STK11IP: variants seen among roughly 807,000 people sequenced by gnomAD.
The protein encoded by STK11IP is serine/threonine kinase 11 interacting protein.
A neutral mutation model predicts 131.7 loss-of-function variants in STK11IP; 103 were observed. The observed-to-expected ratio is 0.78, with a 90% CI of 0.67 to 0.92. STK11IP has a LOEUF of 0.92. Ranked by LOEUF, STK11IP falls within the 40% of genes least tolerant of loss-of-function variation. The probability of loss-of-function intolerance (pLI) is 0.00; values close to 1 mark genes in which losing one functional copy is unlikely to be tolerated. For missense variants in STK11IP, 1,315 were observed against 1,385.7 expected (o/e 0.95, Z 0.81); for synonymous variants, 557 against 575.6 (o/e 0.97, Z 0.46).
intron 17 of STK11IP, chr2:219,610,032 C>T (rs1383291317): frequency 1.8e-5 from 3 of 168,290 alleles, no homozygotes; most frequent in Non-Finnish European, 2.6e-5. Flanking sequence ...TTTCTTCATG[C>T]GCTAGTCCTT....
chr2:219,598,021 T>C, intron 1 of STK11IP, 73 bp from the exon 2 acceptor site: 1 of 1,574,632 alleles, frequency 6.4e-7, no homozygotes, highest in Non-Finnish European at 8.6e-7. Context: ...GACGCCTCGG[T>C]TTGCGCGGAC....
rs117110578 is a variant in STK11IP at position 219,615,991 on chromosome 2, C to T, written c.3118-53C>T. 1,537 of 1,596,648 alleles carry T rather than the reference C, an allele frequency of 9.6e-4. 27 individuals are homozygous for T. The East Asian group carries it at 0.027, about 28-fold the overall frequency. ...CCTTCGCAGAGACCTCCCTTGTACC[C>T]ACCCTGGTGTGGTCCCCATGAGCCT... On this transcript the variant is annotated intron_variant, in intron 24 of 24. Coordinates refer to ENST00000456909, the MANE Select transcript of STK11IP (RefSeq NM_052902.4).
intron 17 of STK11IP, 111 bp from the exon 18 acceptor site, chr2:219,611,488 AGCTGG>A: frequency 1.1e-6 from 1 of 872,560 alleles, no homozygotes; most frequent in Non-Finnish European, 1.9e-6. Context: ...TTGTGTATGA[AGCTGG>A]AGGCTTGGGC....
rs776589638 is a variant in STK11IP at position 219,597,906 on chromosome 2, A to C, written c.-44A>C. On this transcript the variant is annotated 5_prime_UTR_variant, in exon 1 of 25. Transcript: ENST00000456909. ...GCCGGGCAGCTGAGCTGGTAGGAGG[A>C]CCAGACGGGGAGGTTCGGTATGTCT... 2 of 1,611,342 alleles carry C rather than the reference A, an allele frequency of 1.2e-6. No individual in the cohort carries two copies. The highest frequency in any genetic ancestry group is 2.2e-5 in the South Asian group (2 of 90,630).
At chr2:219,600,164 GCTGTTCTCTGGCCTCAGCC>G (rs1365339081) in intron 2 of STK11IP, among the ~76,000 whole-genome samples, 1 of 149,008 alleles carries the variant, frequency 6.7e-6, no homozygotes, top group Non-Finnish European at 1.5e-5. Flanking sequence ...CTGGCTTCCA[GCTGTTCTCTGGCCTCAGCC>G]CCTCGAGTAG....
intron 17 of STK11IP, chr2:219,609,744 G>GTTTT (rs11365689): frequency 2.5e-6 from 1 of 394,090 alleles, no homozygotes; most frequent in South Asian, 3.1e-5. Flanking sequence ...ACTATATCCT[G>GTTTT]TTTTTTTTTT....
chr2:219,604,474 A>G (rs1698087799), intron 7 of STK11IP, among the ~76,000 whole-genome samples: 1 of 152,202 alleles, frequency 6.6e-6, no homozygotes, highest in South Asian at 2.1e-4. Flanking sequence ...CCTTTTGTTC[A>G]CTAAAAACCA....
chr2:219,602,694 GTC>G lies in STK11IP; in HGVS notation c.547-4_547-3del. ...AACATCGATTCTCTGCCTCCTCCCC[GTC>G]TCTCTCAGCGCCTCTTGTCAGCTCT... On this transcript the variant is annotated splice_polypyrimidine_tract_variant and intron_variant, in intron 6 of 24. Transcript: ENST00000456909. 3 of 1,613,470 alleles carry G rather than the reference GTC, an allele frequency of 1.9e-6. No homozygotes were observed. Among genetic ancestry groups the G allele is most frequent in the East Asian group, 2.2e-5 (1 of 44,886 alleles).
chr2:219,601,924 A>T, intron 4 of STK11IP, 64 bp from the exon 5 acceptor site: 2 of 1,415,138 alleles, frequency 1.4e-6, no homozygotes, highest in Non-Finnish European at 2.0e-6. Flanking sequence ...CAACTAGGGG[A>T]TGGGGATGAG....
At chr2:219,609,784 A>G (rs1329441694) in intron 17 of STK11IP, 4 of 479,672 alleles carry the variant, frequency 8.3e-6, no homozygotes, top group Admixed American at 3.3e-5. Context: ...AGGAAATGCA[A>G]TCTCTGTAAC....
At chr2:219,600,028 G>A (rs1697928921) in intron 2 of STK11IP, among the ~76,000 whole-genome samples, 1 of 138,710 alleles carries the variant, frequency 7.2e-6, no homozygotes, top group South Asian at 2.3e-4. Flanking sequence ...GAGCCACCAC[G>A]CCTGCCCTTT....
intron 13 of STK11IP, 128 bp downstream of exon 13, chr2:219,607,265 T>C (rs1021466547): frequency 3.4e-6 from 3 of 883,990 alleles, no homozygotes; most frequent in Non-Finnish European, 5.1e-6. Context: ...GAGGGCTTCT[T>C]AGTCTTTTTT....
Position 219,616,282 on chromosome 2 carries a change from G to T in STK11IP, c.*89G>T. 4 of 1,481,252 alleles carry T rather than the reference G, an allele frequency of 2.7e-6. No individual in the cohort carries two copies. The highest frequency in any genetic ancestry group is 3.6e-6 in the Non-Finnish European group (4 of 1,107,086). The allele number at this position is 1,481,252 out of a possible 1,614,324, so 91.8% of individuals were successfully genotyped here. On this transcript the variant is annotated 3_prime_UTR_variant, in exon 25 of 25. Coordinates refer to ENST00000456909, the MANE Select transcript of STK11IP (RefSeq NM_052902.4). ...CTCTGGGTCTGGCTTCCAGGCTCTG[G>T]CTGTGGATGTCTTCAGCCTCTGGGT... is the stretch of plus-strand genomic sequence containing the variant.
At chr2:219,606,575 G>A (rs1316153644) in intron 11 of STK11IP, 58 bp downstream of exon 11, 5 of 1,610,908 alleles carry the variant, frequency 3.1e-6, no homozygotes, top group Non-Finnish European at 4.2e-6. Flanking sequence ...AGGGCGCTGG[G>A]GAGAGAACAG....
In STK11IP at chr2:219,611,505, CAG is replaced by C. The variant is rs543060917; in HGVS notation, c.2105-98_2105-97del. ...GTGTATGAAGCTGGAGGCTTGGGCT[CAG>C]GGGAGACCTGAGCATGGGGAAGGAG... On this transcript the variant is annotated intron_variant, in intron 17 of 24. Transcript: ENST00000456909. The C allele has an allele frequency of 1.9e-4, 197 of 1,053,958 alleles. 1 individual carries two copies. The African/African-American group carries it at 2.4e-3, about 13-fold the overall frequency. 65.3% of individuals were successfully genotyped at this position (1,053,958 alleles called of 1,614,324 possible). A position where few individuals can be genotyped will look rare whatever the true frequency, so the allele number is the denominator to read the frequency against.
Position 219,613,829 on chromosome 2 carries a change from C to T in STK11IP, c.2615C>T (p.Ala872Val). The T allele has an allele frequency of 6.2e-6, 10 of 1,612,248 alleles. No homozygotes were observed. The highest frequency in any genetic ancestry group is 8.5e-6 in the Non-Finnish European group (10 of 1,179,632). Residue 872 changes from alanine to valine, a missense_variant, in exon 21 of 25, where the codon GCA becomes GTA. Coordinates refer to ENST00000456909, the MANE Select transcript of STK11IP (RefSeq NM_052902.4). ...CTGAGTGGCATAGAGCTGGGCCTGGCAGGCCAGAGCCTGCGGCTAGAGTGG... is the reference window on the plus strand; with the variant it reads ...CTGAGTGGCATAGAGCTGGGCCTGGTAGGCCAGAGCCTGCGGCTAGAGTGG... ...QDLSGIELGL[A>V]GQSLRLEWAA... is the part of the protein sequence containing the mutation.
At chr2:219,606,433 T>G (rs753836158) in intron 10 of STK11IP, 43 bp from the exon 11 acceptor site, 1 of 1,597,878 alleles carries the variant, frequency 6.3e-7, no homozygotes, top group East Asian at 2.3e-5. Flanking sequence ...CTCAGCAGGA[T>G]GGGCCTACCA....
chr2:219,610,874 T>C (rs1429764080), intron 17 of STK11IP, among the ~76,000 whole-genome samples: 1 of 152,228 alleles, frequency 6.6e-6, no homozygotes, highest in Non-Finnish European at 1.5e-5. Flanking sequence ...CCCAGCTGTA[T>C]GGTCCTGGGC....
At chr2:219,609,834 G>C (rs973748598) in intron 17 of STK11IP, 3 of 338,084 alleles carry the variant, frequency 8.9e-6, no homozygotes, top group Non-Finnish European at 1.7e-5. Context: ...TAACTTGAAG[G>C]CTTGTTGTGT....
Sources: allele counts gnomAD v4.1 joint callset (sites outside exome capture counted in the v4.1 genomes callset), GRCh38; gene constraint gnomAD v4.1.1; transcripts MANE v1.5; gene names NCBI Gene and HGNC (gene_info 2026-07-23, HGNC 2026-07-21).